The following PGAP1 variants were observed in gnomAD, a reference collection of about 807,000 sequenced individuals.
PGAP1 encodes the protein post-GPI attachment to proteins inositol deacylase 1.
In PGAP1, 76 loss-of-function variants were observed where a neutral mutation model predicts 127.0. The ratio of observed to expected loss-of-function variants is 0.60; its 90% CI spans 0.50 to 0.72. The LOEUF is 0.72. Among genes scored for constraint, PGAP1 ranks in the 30% least tolerant of loss-of-function variants. The pLI is 0.00. For synonymous variants in PGAP1, 362 were observed against 366.5 expected (o/e 0.99, Z 0.14); for missense variants, 982 against 1,071.3 (o/e 0.92, Z 1.16).
chr2:196,888,125 T>A (rs933480842), intron 10 of PGAP1, among the ~76,000 whole-genome samples: 3 of 152,192 alleles, frequency 2.0e-5, no homozygotes, highest in Non-Finnish European at 4.4e-5. Context: ...ATAACCTAGA[T>A]GTCAAAAGGT....
At position 196,836,495 on chromosome 2, in the gene PGAP1, T is replaced by C. The variant is rs1248007463; in HGVS notation, c.*4739A>G. On this transcript the variant is annotated 3_prime_UTR_variant, in exon 27 of 27. Coordinates refer to ENST00000354764, the MANE Select transcript of PGAP1 (RefSeq NM_024989.4). ...ACAATTTATCAAAAAATGTGACTTC[T>C]TGAGCATTTGCAGTATACATATTTG... 1 of 152,196 alleles carries C rather than the reference T, an allele frequency of 6.6e-6. No homozygotes were observed. Among genetic ancestry groups the C allele is most frequent in the Non-Finnish European group, 1.5e-5 (1 of 67,988 alleles). The allele number at this position is 152,196 out of a possible 1,614,324, so 9.4% of individuals were successfully genotyped here. A position where few individuals can be genotyped will look rare whatever the true frequency, so the allele number is the denominator to read the frequency against.
Position 196,874,656 on chromosome 2 carries a change from T to C in PGAP1, c.1427-898A>G, listed in dbSNP as rs577204609. ...AGTATCACGTATACTCAATATGATA[T>C]AGTAGGAAATCCTCATTGCTTCTGT... On this transcript the variant is annotated intron_variant, in intron 14 of 26. Coordinates refer to ENST00000354764, the MANE Select transcript of PGAP1 (RefSeq NM_024989.4). Among the ~76,000 whole-genome samples, 6 of 152,264 alleles carry C rather than the reference T, an allele frequency of 3.9e-5. No homozygotes were observed. The South Asian group carries it at 8.3e-4, about 21-fold the overall frequency.
At chr2:196,880,055 C>A (rs1478332639) in intron 13 of PGAP1, 21 bp downstream of exon 13, 1 of 1,553,364 alleles carries the variant, frequency 6.4e-7, no homozygotes, top group South Asian at 1.1e-5. Flanking sequence ...ATTCTAATAA[C>A]AATCTTAACC....
intron 7 of PGAP1, among the ~76,000 whole-genome samples, chr2:196,893,920 C>T (rs1410172498): frequency 6.6e-6 from 1 of 152,144 alleles, no homozygotes; most frequent in Non-Finnish European, 1.5e-5. Flanking sequence ...GAGGCCCTGA[C>T]AGGTAAATGA....
chr2:196,901,443 T>C (rs1702486199), intron 5 of PGAP1, among the ~76,000 whole-genome samples: 1 of 152,190 alleles, frequency 6.6e-6, no homozygotes, highest in Non-Finnish European at 1.5e-5. Flanking sequence ...GGAGTATCTA[T>C]GAAGAGGTAT....
chr2:196,868,482 T>C (rs1701313624), intron 19 of PGAP1, among the ~76,000 whole-genome samples: 2 of 152,236 alleles, frequency 1.3e-5, no homozygotes, highest in African/African-American at 2.4e-5. Context: ...ATACTTAGTA[T>C]TTAGTGCAGT....
At chr2:196,866,035 T>C (rs1036505934) in intron 19 of PGAP1, among the ~76,000 whole-genome samples, 1 of 152,186 alleles carries the variant, frequency 6.6e-6, no homozygotes, top group Admixed American at 6.5e-5. Context: ...ATCATAAAAA[T>C]GGCCATACTG....
Position 196,840,279 on chromosome 2 carries a change from T to C in PGAP1, c.*955A>G, listed in dbSNP as rs1700369914. 6.6e-6 allele frequency: 1 copy of C among 152,190 alleles called. No homozygotes were observed. Among genetic ancestry groups the C allele is most frequent in the African/African-American group, 2.4e-5 (1 of 41,440 alleles). 9.4% of individuals were successfully genotyped at this position (152,190 alleles called of 1,614,324 possible). On this transcript the variant is annotated 3_prime_UTR_variant, in exon 27 of 27. Transcript: ENST00000354764. ...TAATATTATACATCAAATGTGATGTTACCTTGATCATGTTGTTGTTGTTGT... is the reference window on the plus strand; with the variant it reads ...TAATATTATACATCAAATGTGATGTCACCTTGATCATGTTGTTGTTGTTGT...
intron 5 of PGAP1, among the ~76,000 whole-genome samples, chr2:196,902,016 T>C (rs1702508646): frequency 6.6e-6 from 1 of 152,172 alleles, no homozygotes; most frequent in Non-Finnish European, 1.5e-5. Context: ...TCCTTTGTAC[T>C]TACTTTTTTT....
chr2:196,890,100 G>GT (rs968144375), intron 10 of PGAP1, among the ~76,000 whole-genome samples: 66 of 151,680 alleles, frequency 4.4e-4, no homozygotes, highest in African/African-American at 1.3e-3. Context: ...ACCCAGCTAA[G>GT]TTTTTTGTAT....
At chr2:196,880,875 CTTTTA>C (rs963675465) in intron 12 of PGAP1, among the ~76,000 whole-genome samples, 9 of 152,186 alleles carry the variant, frequency 5.9e-5, no homozygotes, top group African/African-American at 1.2e-4. Context: ...TTTAATTTAA[CTTTTA>C]TTTTAAGTTC....
At chr2:196,886,503 C>T (rs868236501) in intron 10 of PGAP1, among the ~76,000 whole-genome samples, 3 of 151,898 alleles carry the variant, frequency 2.0e-5, no homozygotes, top group Admixed American at 2.0e-4. Context: ...AATTATTGAA[C>T]CAAAATTTTC....
Position 196,834,814 on chromosome 2 carries a change from C to T in PGAP1, c.*6420G>A, listed in dbSNP as rs1340269169. On this transcript the variant is annotated 3_prime_UTR_variant, in exon 27 of 27. Coordinates refer to ENST00000354764, the MANE Select transcript of PGAP1 (RefSeq NM_024989.4). ...CTACTTAGAATACAATTATTCAACA[C>T]AAAAGATGAACTCATTTCAAAGAAC... The T allele has an allele frequency of 6.6e-6, 1 of 151,910 alleles. No homozygotes were observed. Among genetic ancestry groups the T allele is most frequent in the African/African-American group, 2.4e-5 (1 of 41,408 alleles). The allele number at this position is 151,910 out of a possible 1,614,324, so 9.4% of individuals were successfully genotyped here.
At position 196,839,995 on chromosome 2, in the gene PGAP1, G is replaced by A. The variant is rs117065211; in HGVS notation, c.*1239C>T. 1 of 152,148 alleles carries A rather than the reference G, an allele frequency of 6.6e-6. No homozygotes were observed. The highest frequency in any genetic ancestry group is 1.5e-5 in the Non-Finnish European group (1 of 68,030). 9.4% of individuals were successfully genotyped at this position (152,148 alleles called of 1,614,324 possible). A position where few individuals can be genotyped will look rare whatever the true frequency, so the allele number is the denominator to read the frequency against. ...CGGGTATGTCTCAGCCTGAGTTTAC[G>A]CTATCCTAAGGCAAAGAGTATACTC... On this transcript the variant is annotated 3_prime_UTR_variant, in exon 27 of 27. Transcript: ENST00000354764.
At position 196,880,059 on chromosome 2, in the gene PGAP1, C is replaced by G; in HGVS notation, c.1350+17G>C. 1 of 1,561,550 alleles carries G rather than the reference C, an allele frequency of 6.4e-7. No individual in the cohort carries two copies. Among genetic ancestry groups the G allele is most frequent in the Non-Finnish European group, 8.8e-7 (1 of 1,135,704 alleles). On this transcript the variant is annotated intron_variant, in intron 13 of 26. Coordinates refer to ENST00000354764, the MANE Select transcript of PGAP1 (RefSeq NM_024989.4). ...GTCTCCAAAACATTCTAATAACAAT[C>G]TTAACCCACTTGTTACCTTACTTCC...
At chr2:196,870,906 C>T (rs750865273) in intron 19 of PGAP1, 35 bp downstream of exon 19, 2 of 1,565,208 alleles carry the variant, frequency 1.3e-6, no homozygotes, top group Admixed American at 1.7e-5. Flanking sequence ...ATTCATAAAG[C>T]AGTAAATAAT....
intron 11 of PGAP1, 27 bp downstream of exon 11, chr2:196,885,807 A>T (rs374454145): frequency 6.5e-6 from 9 of 1,377,702 alleles, no homozygotes; most frequent in Non-Finnish European, 8.5e-6. Context: ...ATGTTGAGAT[A>T]AATGAACATG....
chr2:196,895,214 A>C (rs1182884359), intron 7 of PGAP1, among the ~76,000 whole-genome samples: 1 of 152,192 alleles, frequency 6.6e-6, no homozygotes, highest in East Asian at 1.9e-4. Flanking sequence ...ATTCAGAATT[A>C]TAATTTATTA....
intron 19 of PGAP1, among the ~76,000 whole-genome samples, chr2:196,867,278 T>C (rs989632602): frequency 1.3e-5 from 2 of 152,106 alleles, no homozygotes; most frequent in Non-Finnish European, 2.9e-5. Context: ...ATATACACCA[T>C]GGAATACTAT....
Sources: gnomAD v4.1 joint callset for allele counts (sites outside exome capture counted in the v4.1 genomes callset) on GRCh38, gnomAD v4.1.1 for gene constraint, MANE v1.5 for transcripts, NCBI Gene and HGNC (gene_info 2026-07-23, HGNC 2026-07-21) for gene names.